Variants in ULK2 observed in about 807,000 individuals in gnomAD.
ULK2 encodes the protein unc-51 like autophagy activating kinase 2.
ULK2 carries 76 observed loss-of-function variants against 127.5 expected under a neutral mutation model. That is an observed-to-expected ratio of 0.60 (90% CI 0.50 to 0.72). The LOEUF is 0.72. ULK2 is among the 30% of genes least tolerant of loss of function. The pLI, the probability that ULK2 is intolerant of heterozygous loss-of-function variation, is 0.00. For synonymous variants in ULK2, 452 were observed against 461.9 expected (o/e 0.98, Z 0.28); for missense variants, 1,144 against 1,295.9 (o/e 0.88, Z 1.80).
chr17:19,832,757 G>A (rs1296817996), intron 10 of ULK2, among the ~76,000 whole-genome samples: 2 of 152,142 alleles, frequency 1.3e-5, no homozygotes, highest in Non-Finnish European at 2.9e-5. Flanking sequence ...CAATTTTGGA[G>A]ATAAATCAAT....
intron 10 of ULK2, among the ~76,000 whole-genome samples, chr17:19,837,026 C>T (rs1567713859): frequency 1.3e-5 from 2 of 151,282 alleles, no homozygotes; most frequent in Admixed American, 6.6e-5. Flanking sequence ...TTCAAGGTTG[C>T]GGTGAGCTAC....
intron 26 of ULK2, among the ~76,000 whole-genome samples, 195 bp from the exon 27 acceptor site, chr17:19,776,602 A>G (rs1211302211): frequency 2.0e-5 from 3 of 152,174 alleles, no homozygotes; most frequent in Non-Finnish European, 4.4e-5. Context: ...AGCTTGCTAC[A>G]TAACTAGCTT....
chr17:19,784,161 G>T, intron 21 of ULK2: 1 of 311,722 alleles, frequency 3.2e-6, no homozygotes, highest in African/African-American at 2.1e-5. Context: ...AACAAATTTA[G>T]ATCATATTCA....
chr17:19,811,830 GACC>G (rs1191788771), intron 13 of ULK2, among the ~76,000 whole-genome samples: 4 of 152,076 alleles, frequency 2.6e-5, no homozygotes, highest in Non-Finnish European at 2.9e-5. Flanking sequence ...GGCTTTCAAT[GACC>G]ACATTTTAAA....
chr17:19,867,908 T>G lies in ULK2; in HGVS notation c.-491A>C, dbSNP rs1017794644. On this transcript the variant is annotated 5_prime_UTR_variant, in exon 1 of 27. Coordinates refer to ENST00000395544, the MANE Select transcript of ULK2 (RefSeq NM_014683.4). Reference sequence around the variant, plus strand: ...CGCCTCGCGGCGGCGCCCAACGCCCTCGCGCGCGCTACCCGCTCCCGCGCG... The same window carrying G: ...CGCCTCGCGGCGGCGCCCAACGCCCGCGCGCGCGCTACCCGCTCCCGCGCG... The G allele has an allele frequency of 5.3e-5, 8 of 151,222 alleles. No homozygotes were observed. Among genetic ancestry groups the G allele is most frequent in the Admixed American group, 3.9e-4 (6 of 15,190 alleles). 9.4% of individuals were successfully genotyped at this position (151,222 alleles called of 1,614,324 possible). A position where few individuals can be genotyped will look rare whatever the true frequency, so the allele number is the denominator to read the frequency against.
chr17:19,829,767 C>T (rs564236917), intron 10 of ULK2, among the ~76,000 whole-genome samples: 3 of 138,846 alleles, frequency 2.2e-5, no homozygotes, highest in African/African-American at 5.6e-5. Context: ...ACCTAGGAGG[C>T]GGAGGTTGTT....
intron 9 of ULK2, among the ~76,000 whole-genome samples, chr17:19,840,975 C>T (rs1039127682): frequency 2.0e-5 from 3 of 151,976 alleles, no homozygotes; most frequent in African/African-American, 4.8e-5. Context: ...AACAAAAGGA[C>T]GCTGCAAACA....
chr17:19,800,875 A>G (rs2087382924), intron 16 of ULK2, among the ~76,000 whole-genome samples: 1 of 152,144 alleles, frequency 6.6e-6, no homozygotes. Context: ...TCTCTCACAC[A>G]TATTTCTGCA....
At chr17:19,794,756 G>A (rs2087229314) in intron 20 of ULK2, among the ~76,000 whole-genome samples, 1 of 150,550 alleles carries the variant, frequency 6.6e-6, no homozygotes, top group African/African-American at 2.4e-5. Flanking sequence ...TTACAATAGT[G>A]ATTCTCAAAT....
Position 19,780,631 on chromosome 17 carries a change from T to A in ULK2, c.2759-2A>T. The A allele has an allele frequency of 6.3e-7, 1 of 1,593,918 alleles. No homozygotes were observed. ...ATCGTTCGTTCAGATTCTTGACAACTGAAAAAAAATTGAGATGGGAACTAA... is the reference window on the plus strand; with the variant it reads ...ATCGTTCGTTCAGATTCTTGACAACAGAAAAAAAATTGAGATGGGAACTAA... On this transcript the variant is annotated splice_acceptor_variant, in intron 24 of 26. Transcript: ENST00000395544. LOFTEE classifies it high-confidence loss of function.
intron 13 of ULK2, among the ~76,000 whole-genome samples, chr17:19,814,440 T>TATATATATACGTATATA (rs1567696572): frequency 2.0e-3 from 14 of 7,072 alleles, no homozygotes; most frequent in African/African-American, 5.3e-3. Flanking sequence ...ATATATATAT[T>TATATATATACGTATATA]TTTTTTTTTT....
chr17:19,793,940 T>C (rs781298522), intron 20 of ULK2, among the ~76,000 whole-genome samples: 4 of 152,124 alleles, frequency 2.6e-5, no homozygotes, highest in African/African-American at 4.8e-5. Flanking sequence ...GTAATGATAA[T>C]TAATATACTA....
intron 18 of ULK2, among the ~76,000 whole-genome samples, chr17:19,796,632 T>C (rs1414671898): frequency 6.6e-6 from 1 of 152,192 alleles, no homozygotes; most frequent in Non-Finnish European, 1.5e-5. Flanking sequence ...CTCAAGGCCT[T>C]TGTCATTAAA....
rs2086792113 is a variant in ULK2 at position 19,775,154 on chromosome 17, G to T, written c.*1195C>A. ...CAAGTATTCAAGCAGGTAAGTAAAA[G>T]AAACCAAGTAATACACAACGTAGGA... On this transcript the variant is annotated 3_prime_UTR_variant, in exon 27 of 27. Transcript: ENST00000395544. 6.6e-6 allele frequency: 1 copy of T among 152,592 alleles called. No homozygotes were observed. The highest frequency in any genetic ancestry group is 2.4e-5 in the African/African-American group (1 of 41,444). The allele number at this position is 152,592 out of a possible 1,614,324, so 9.5% of individuals were successfully genotyped here. A position where few individuals can be genotyped will look rare whatever the true frequency, so the allele number is the denominator to read the frequency against.
At chr17:19,853,480 A>G (rs116163016) in intron 3 of ULK2, among the ~76,000 whole-genome samples, 189 of 151,862 alleles carry the variant, frequency 1.2e-3, no homozygotes, top group African/African-American at 3.8e-3. Flanking sequence ...TCTCTCTGCT[A>G]TATTCTTAAT....
intron 20 of ULK2, among the ~76,000 whole-genome samples, chr17:19,791,151 C>A (rs1351047798): frequency 6.6e-6 from 1 of 152,240 alleles, no homozygotes; most frequent in Non-Finnish European, 1.5e-5. Context: ...TAGGACCTAA[C>A]TGATATTTAC....
chr17:19,811,510 C>T (rs947738985), intron 13 of ULK2, among the ~76,000 whole-genome samples: 1 of 151,820 alleles, frequency 6.6e-6, no homozygotes. Flanking sequence ...AGCATGATCT[C>T]GGCTCACTGC....
At chr17:19,811,130 T>C (rs528768704) in intron 13 of ULK2, 3 of 151,748 alleles carry the variant, frequency 2.0e-5, no homozygotes, top group Admixed American at 1.3e-4. Context: ...ATAAGCATTA[T>C]AAAGGAAAAT....
chr17:19,812,371 C>T (rs1402241083), intron 13 of ULK2, among the ~76,000 whole-genome samples: 2 of 152,132 alleles, frequency 1.3e-5, no homozygotes, highest in South Asian at 4.1e-4. Context: ...TATATAGATG[C>T]CCCTCAACCT....
Sources: allele counts gnomAD v4.1 joint callset (sites outside exome capture counted in the v4.1 genomes callset), GRCh38; gene constraint gnomAD v4.1.1; transcripts MANE v1.5; gene names NCBI Gene and HGNC (gene_info 2026-07-23, HGNC 2026-07-21).